Variants in ANK3 observed in about 807,000 individuals in gnomAD.
The protein encoded by ANK3 is ankyrin-3.
Under a neutral mutation model 370.9 loss-of-function variants are expected in ANK3, and 57 were observed. The observed-to-expected ratio is 0.15, with a 90% confidence interval of 0.12 to 0.19. The LOEUF (loss-of-function observed/expected upper bound fraction) is 0.19, where lower values mean the gene tolerates loss of function less well. Ranked by LOEUF, ANK3 falls within the 10% of genes least tolerant of loss-of-function variation. ANK3 has a pLI of 1.00. For synonymous variants in ANK3, 1,929 were observed against 1,946.3 expected, an observed-to-expected ratio of 0.99 and a Z score of 0.23; for missense variants, 4,439 against 5,302.1, an observed-to-expected ratio of 0.84 and a Z score of 5.06.
At chr10:60,417,652 T>A (rs898147507) in intron 2 of ANK3, among the ~76,000 whole-genome samples, 6 of 152,188 alleles carry the variant, frequency 3.9e-5, no homozygotes, top group African/African-American at 1.4e-4. Context: ...GGAATTGCTG[T>A]GGTTTTCATG....
chr10:60,034,154 T>C (rs1179927841), intron 43 of ANK3, among the ~76,000 whole-genome samples: 1 of 145,112 alleles, frequency 6.9e-6, no homozygotes, highest in Non-Finnish European at 1.5e-5. Context: ...TCGCCCATGC[T>C]GGAATGCAAA....
intron 2 of ANK3, among the ~76,000 whole-genome samples, chr10:60,577,462 G>A (rs1415141587): frequency 6.6e-6 from 1 of 152,070 alleles, no homozygotes; most frequent in African/African-American, 2.4e-5. Context: ...CAAATCATGG[G>A]GGCAGGTTTT....
At chr10:60,306,181 T>G (rs1041987907) in intron 1 of ANK3, among the ~76,000 whole-genome samples, 1 of 151,930 alleles carries the variant, frequency 6.6e-6, no homozygotes. Flanking sequence ...TGTACCCAAT[T>G]TGTAGTCTTT....
At chr10:60,266,563 T>A (rs143145523) in intron 5 of ANK3, among the ~76,000 whole-genome samples, 1 of 152,270 alleles carries the variant, frequency 6.6e-6, no homozygotes, top group African/African-American at 2.4e-5. Flanking sequence ...ACATTTCCAC[T>A]GATGAGAATT....
At chr10:60,593,843 A>C (rs575501366) in intron 2 of ANK3, among the ~76,000 whole-genome samples, 1 of 152,348 alleles carries the variant, frequency 6.6e-6, no homozygotes. Context: ...GAAGGTATCT[A>C]CATGGGTTTC....
intron 1 of ANK3, among the ~76,000 whole-genome samples, chr10:60,654,513 A>C (rs2078836144): frequency 6.6e-6 from 1 of 152,292 alleles, no homozygotes; most frequent in Non-Finnish European, 1.5e-5. Context: ...CAATGGTGTT[A>C]AATGATATCA....
chr10:60,115,852 TA>T (rs1397518687), intron 25 of ANK3, among the ~76,000 whole-genome samples: 1 of 151,998 alleles, frequency 6.6e-6, no homozygotes, highest in Non-Finnish European at 1.5e-5. Context: ...AAGAAGAGAA[TA>T]AAGTAGAAGC....
At chr10:60,613,686 A>G (rs1012099317) in intron 2 of ANK3, among the ~76,000 whole-genome samples, 9 of 152,166 alleles carry the variant, frequency 5.9e-5, no homozygotes, top group African/African-American at 1.7e-4. Context: ...AAGTCTTACT[A>G]GACTACATTA....
intron 1 of ANK3, among the ~76,000 whole-genome samples, chr10:60,346,567 T>A (rs747055716): frequency 6.6e-6 from 1 of 152,094 alleles, no homozygotes; most frequent in Non-Finnish European, 1.5e-5. Flanking sequence ...AAACCTCCCA[T>A]GTTAAGGAAT....
chr10:60,733,503 C>T (rs2080058344), upstream of ANK3: 5 of 468,528 alleles, frequency 1.1e-5, no homozygotes, highest in Non-Finnish European at 6.8e-6. Context: ...CCGCTGCGAC[C>T]GCCAGGTGCC....
chr10:60,076,229 G>T lies in ANK3; in HGVS notation c.4652C>A (p.Ser1551Tyr). Residue 1551 changes from serine (S) to tyrosine (Y), a missense_variant, in exon 37 of 44, where the codon TCC becomes TAC. By Grantham distance (144) the Ser-to-Tyr change is moderately radical. Transcript: ENST00000280772. ...WSVSTPSPIKSTLGASTTSSV... is the reference protein window; with the variant it reads ...WSVSTPSPIKYTLGASTTSSV... ...AGATGTAGTTGACGCGCCTAATGTG[G>T]ATTTGATTGGAGAAGGTGTCGAAAC... 6.2e-7 allele frequency: 1 copy of T among 1,614,138 alleles called. No individual in the cohort carries two copies. The highest frequency in any genetic ancestry group is 8.5e-7 in the Non-Finnish European group (1 of 1,179,990).
intron 2 of ANK3, among the ~76,000 whole-genome samples, chr10:60,571,419 T>C (rs1184353614): frequency 6.6e-6 from 1 of 152,208 alleles, no homozygotes; most frequent in Non-Finnish European, 1.5e-5. Context: ...GTAGCTGAAA[T>C]CTTTATCTTC....
chr10:60,148,590 C>G (rs183132907), intron 23 of ANK3, among the ~76,000 whole-genome samples: 1 of 152,310 alleles, frequency 6.6e-6, no homozygotes, highest in Non-Finnish European at 1.5e-5. Flanking sequence ...TACTCCTTAA[C>G]TCAGATACAG....
intron 8 of ANK3, among the ~76,000 whole-genome samples, chr10:60,232,151 G>A (rs1592139917): frequency 1.3e-5 from 2 of 152,148 alleles, no homozygotes; most frequent in African/African-American, 4.8e-5. Flanking sequence ...GAACGAAATA[G>A]GACATGTAAG....
chr10:60,030,777 G>A (rs2073303897), intron 43 of ANK3, among the ~76,000 whole-genome samples: 1 of 152,158 alleles, frequency 6.6e-6, no homozygotes, highest in African/African-American at 2.4e-5. Context: ...CCTTTCTCCT[G>A]CAAAAACCTG....
intron 23 of ANK3, chr10:60,140,066 T>A (rs2094497972): frequency 2.1e-6 from 1 of 475,722 alleles, no homozygotes; most frequent in Non-Finnish European, 3.7e-6. Context: ...AGTGATTCAT[T>A]CCCCCAGATA....
intron 12 of ANK3, among the ~76,000 whole-genome samples, chr10:60,201,195 C>T (rs916328083): frequency 2.0e-5 from 3 of 152,208 alleles, no homozygotes; most frequent in African/African-American, 7.2e-5. Flanking sequence ...TAGTATATTA[C>T]TCAGTGTTCC....
At chr10:60,675,116 G>T (rs2079108585) in intron 1 of ANK3, among the ~76,000 whole-genome samples, 1 of 152,154 alleles carries the variant, frequency 6.6e-6, no homozygotes, top group Non-Finnish European at 1.5e-5. Context: ...TAAGAGTTAT[G>T]AGCATAAAAC....
rs566513670 is a variant in ANK3, at chr10:60,228,130, G to C, written c.897+6558C>G. 2.9e-4 allele frequency among the ~76,000 whole-genome samples: 44 copies of C among 152,122 alleles called. No homozygotes were observed. In the South Asian group the frequency reaches 9.1e-3, roughly 32 times the overall value. On this transcript the variant is annotated intron_variant, in intron 8 of 43. Coordinates refer to ENST00000280772, the MANE Select transcript of ANK3 (RefSeq NM_020987.5). ...AGGATATGTGACCTCTGCATATTAC[G>C]CCATCATAGTTTGTATTTCTTTCTA...
Sources: allele counts gnomAD v4.1 joint callset (sites outside exome capture counted in the v4.1 genomes callset), GRCh38; gene constraint gnomAD v4.1.1; transcripts MANE v1.5; gene names NCBI Gene and HGNC (gene_info 2026-07-23, HGNC 2026-07-21).